The following SMAD2 variants were observed in gnomAD, a reference collection of about 807,000 sequenced individuals.
SMAD2 encodes the protein SMAD family member 2.
SMAD2 carries 8 observed loss-of-function variants against 64.4 expected under a neutral mutation model. The ratio of observed to expected loss-of-function variants is 0.12; its 90% CI spans 0.07 to 0.22. The LOEUF (loss-of-function observed/expected upper bound fraction) is 0.22, where lower values mean the gene tolerates loss of function less well. SMAD2 is among the 10% of genes least tolerant of loss of function. The pLI, the probability that SMAD2 is intolerant of heterozygous loss-of-function variation, is 1.00. For missense variants in SMAD2, 289 were observed against 561.2 expected (o/e 0.51, Z 4.90); for synonymous variants, 203 against 195.8 (o/e 1.04, Z -0.31).
Position 47,894,553 on chromosome 18 carries a change from C to G in SMAD2, c.236+1968G>C, listed in dbSNP as rs531134292. 3.4e-4 allele frequency among the ~76,000 whole-genome samples: 52 copies of G among 152,306 alleles called. 1 individual carries two copies. Among genetic ancestry groups the G allele is most frequent in the African/African-American group, 9.9e-4 (41 of 41,562 alleles). ...ATCCTCCCCCACCTCCCAATCTCCA[C>G]ACCACCGCACTACATGTGATGAAAC... is the stretch of plus-strand genomic sequence containing the variant. On this transcript the variant is annotated intron_variant, in intron 2 of 10. Coordinates refer to ENST00000262160, the MANE Select transcript of SMAD2 (RefSeq NM_005901.6).
At position 47,837,973 on chromosome 18, in the gene SMAD2, T is replaced by C. The variant is rs181670054; in HGVS notation, c.*3854A>G. On this transcript the variant is annotated 3_prime_UTR_variant, in exon 11 of 11. Transcript: ENST00000262160. ...CTCAGACGAAGAGGGTATCTAACAC[T>C]GAATAAATGCTGAACCTATTTAGTA... 1 of 232,652 alleles carries C rather than the reference T, an allele frequency of 4.3e-6. No homozygotes were observed. The allele number at this position is 232,652 out of a possible 1,614,324, so 14.4% of individuals were successfully genotyped here.
intron 1 of SMAD2, among the ~76,000 whole-genome samples, chr18:47,924,248 C>CA (rs201933597): frequency 0.55 from 54,474 of 99,508 alleles, 13,363 homozygotes; most frequent in East Asian, 0.65. Context: ...AACTCCGTCT[C>CA]AAAAAAAAAA....
At chr18:47,843,129 G>T (rs1914133449) in intron 10 of SMAD2, among the ~76,000 whole-genome samples, 1 of 152,146 alleles carries the variant, frequency 6.6e-6, no homozygotes, top group Non-Finnish European at 1.5e-5. Context: ...CCAACTGCAG[G>T]TATCTGCATT....
At chr18:47,904,556 A>G (rs1382555332) in intron 1 of SMAD2, among the ~76,000 whole-genome samples, 1 of 152,118 alleles carries the variant, frequency 6.6e-6, no homozygotes, top group Non-Finnish European at 1.5e-5. Context: ...AAAAAGGGAC[A>G]ACAAGCCGGC....
In SMAD2 at chr18:47,823,869, G is replaced by A. The variant is rs1014130954; in HGVS notation, c.*17958C>T. The stretch of plus-strand genomic sequence containing the variant: ...TTATTTGCCAAATTTTCTGCAGAAA[G>A]AAGTACAATTCCTAACAGAATAATG... On this transcript the variant is annotated 3_prime_UTR_variant, in exon 11 of 11. Transcript: ENST00000262160. 1 of 152,132 alleles carries A rather than the reference G, an allele frequency of 6.6e-6. No individual in the cohort carries two copies. Among genetic ancestry groups the A allele is most frequent in the Non-Finnish European group, 1.5e-5 (1 of 68,032 alleles). 9.4% of individuals were successfully genotyped at this position (152,132 alleles called of 1,614,324 possible).
chr18:47,930,551 G>A lies in SMAD2; in HGVS notation c.-244C>T, dbSNP rs1466833020. On this transcript the variant is annotated 5_prime_UTR_variant, in exon 1 of 11. Coordinates refer to ENST00000262160, the MANE Select transcript of SMAD2 (RefSeq NM_005901.6). ...AGGCCCGGGCCCGGCCGGCGGCCCGGGCGCGCGGGAGGGTAGGGGAAGAGA... is the reference window on the plus strand; with the variant it reads ...AGGCCCGGGCCCGGCCGGCGGCCCGAGCGCGCGGGAGGGTAGGGGAAGAGA... 6.7e-6 allele frequency: 1 copy of A among 149,208 alleles called. No homozygotes were observed. Among genetic ancestry groups the A allele is most frequent in the African/African-American group, 2.5e-5 (1 of 40,434 alleles). The allele number at this position is 149,208 out of a possible 1,614,324, so 9.2% of individuals were successfully genotyped here.
At chr18:47,874,646 A>G (rs896918749) in intron 2 of SMAD2, among the ~76,000 whole-genome samples, 1 of 152,204 alleles carries the variant, frequency 6.6e-6, no homozygotes, top group African/African-American at 2.4e-5. Flanking sequence ...AAGGCACCCT[A>G]TGAACTGATA....
chr18:47,894,050 G>C (rs1319722240), intron 2 of SMAD2, among the ~76,000 whole-genome samples: 2 of 152,138 alleles, frequency 1.3e-5, no homozygotes, highest in African/African-American at 4.8e-5. Context: ...AAAAAGAATG[G>C]GAAATAAGGA....
intron 2 of SMAD2, among the ~76,000 whole-genome samples, chr18:47,894,411 A>G (rs2033342329): frequency 6.6e-6 from 1 of 152,186 alleles, no homozygotes; most frequent in African/African-American, 2.4e-5. Flanking sequence ...CCCTCAGGTT[A>G]AGTGTGAACA....
intron 1 of SMAD2, among the ~76,000 whole-genome samples, chr18:47,898,887 AT>A (rs5824714): frequency 1.5e-3 from 226 of 148,926 alleles, no homozygotes; most frequent in African/African-American, 4.5e-3. Flanking sequence ...GCATTCAACA[AT>A]TTTTTTTTTT....
intron 1 of SMAD2, among the ~76,000 whole-genome samples, chr18:47,899,721 G>C (rs2033605413): frequency 6.6e-6 from 1 of 152,148 alleles, no homozygotes; most frequent in African/African-American, 2.4e-5. Context: ...GATAGGATTA[G>C]AATGACACAT....
chr18:47,896,356 A>C (rs1317829901), intron 2 of SMAD2, among the ~76,000 whole-genome samples, 165 bp downstream of exon 2: 1 of 152,244 alleles, frequency 6.6e-6, no homozygotes, highest in East Asian at 1.9e-4. Context: ...CAAGAAAATA[A>C]TTTATAAAAC....
Position 47,817,324 on chromosome 18 carries a change from A to T in SMAD2, c.*24503T>A, listed in dbSNP as rs1912406447. 6.6e-6 allele frequency: 1 copy of T among 152,062 alleles called. No homozygotes were observed. Among genetic ancestry groups the T allele is most frequent in the Non-Finnish European group, 1.5e-5 (1 of 68,016 alleles). 9.4% of individuals were successfully genotyped at this position (152,062 alleles called of 1,614,324 possible). On this transcript the variant is annotated 3_prime_UTR_variant, in exon 11 of 11. Coordinates refer to ENST00000262160, the MANE Select transcript of SMAD2 (RefSeq NM_005901.6). Reference sequence around the variant, plus strand: ...CTTTTGGCAGAGGCTTTTTGACTTGACTTTGGATTTGTCTTGGTTCTAAGA... The same window carrying T: ...CTTTTGGCAGAGGCTTTTTGACTTGTCTTTGGATTTGTCTTGGTTCTAAGA...
rs948679530 is a variant in SMAD2 at position 47,818,067 on chromosome 18, A to G, written c.*23760T>C. ...CATAGAGATTGTCTATGCTTTGTCT[A>G]AACTCCCCAAGCTTTTTTATTCTTA... On this transcript the variant is annotated 3_prime_UTR_variant, in exon 11 of 11. Coordinates refer to ENST00000262160, the MANE Select transcript of SMAD2 (RefSeq NM_005901.6). The G allele has an allele frequency of 2.6e-5, 4 of 152,226 alleles. No homozygotes were observed. Among genetic ancestry groups the G allele is most frequent in the Admixed American group, 6.5e-5 (1 of 15,286 alleles). 9.4% of individuals were successfully genotyped at this position (152,226 alleles called of 1,614,324 possible).
Position 47,814,095 on chromosome 18 carries a change from G to A in SMAD2, c.*27732C>T, listed in dbSNP as rs1912292834. On this transcript the variant is annotated 3_prime_UTR_variant, in exon 11 of 11. Coordinates refer to ENST00000262160, the MANE Select transcript of SMAD2 (RefSeq NM_005901.6). Reference sequence around the variant, plus strand: ...GTACTTAGGACCAGAACAGGCAAAGGCACTGAAGCAAGAGAGTCTGGGGCA... The same window carrying A: ...GTACTTAGGACCAGAACAGGCAAAGACACTGAAGCAAGAGAGTCTGGGGCA... The A allele has an allele frequency of 6.6e-6, 1 of 152,152 alleles. No homozygotes were observed. The allele number at this position is 152,152 out of a possible 1,614,324, so 9.4% of individuals were successfully genotyped here. A position where few individuals can be genotyped will look rare whatever the true frequency, so the allele number is the denominator to read the frequency against.
intron 6 of SMAD2, among the ~76,000 whole-genome samples, chr18:47,859,039 C>T (rs1240724371): frequency 1.3e-5 from 2 of 151,920 alleles, no homozygotes; most frequent in African/African-American, 4.8e-5. Flanking sequence ...TTCGGATAGA[C>T]TGAAACAATT....
intron 2 of SMAD2, among the ~76,000 whole-genome samples, chr18:47,871,121 C>A (rs1263533687): frequency 6.6e-6 from 1 of 152,110 alleles, no homozygotes; most frequent in Admixed American, 6.6e-5. Flanking sequence ...TAGTATACCA[C>A]CTTAAAAATT....
Position 47,828,288 on chromosome 18 carries a change from C to A in SMAD2, c.*13539G>T, listed in dbSNP as rs1271657253. The A allele has an allele frequency of 6.5e-6, 1 of 154,122 alleles. No homozygotes were observed. Among genetic ancestry groups the A allele is most frequent in the Non-Finnish European group, 1.4e-5 (1 of 70,028 alleles). The allele number at this position is 154,122 out of a possible 1,614,324, so 9.5% of individuals were successfully genotyped here. The stretch of plus-strand genomic sequence containing the variant: ...CGGGAGGTGGGGGGCAACCCCCGCC[C>A]GGCCAGCTGCCCCGTTCGGGAGGTG... On this transcript the variant is annotated 3_prime_UTR_variant, in exon 11 of 11. Transcript: ENST00000262160.
chr18:47,923,937 A>C (rs1171757075), intron 1 of SMAD2, among the ~76,000 whole-genome samples: 1 of 152,118 alleles, frequency 6.6e-6, no homozygotes, highest in East Asian at 1.9e-4. Flanking sequence ...CATGAACTAC[A>C]ACCTAACTAC....
Sources: allele counts gnomAD v4.1 joint callset (sites outside exome capture counted in the v4.1 genomes callset), GRCh38; gene constraint gnomAD v4.1.1; transcripts MANE v1.5; gene names NCBI Gene and HGNC (gene_info 2026-07-23, HGNC 2026-07-21).